CARD14: variants seen among roughly 807,000 people sequenced by gnomAD.
The protein encoded by CARD14 is caspase recruitment domain family member 14, also known as caspase recruitment domain-containing protein 14.
Under a neutral mutation model 111.5 loss-of-function variants are expected in CARD14, and 107 were observed. The observed-to-expected ratio is 0.96, with a 90% CI of 0.82 to 1.13. CARD14 has a LOEUF of 1.13. Ranked by LOEUF, CARD14 falls within the 50% of genes most tolerant of loss-of-function variation. The pLI is 0.00. For synonymous variants in CARD14, 617 were observed against 579.6 expected, an observed-to-expected ratio of 1.06 and a Z score of -0.93; for missense variants, 1,322 against 1,362.3, an observed-to-expected ratio of 0.97 and a Z score of 0.47.
chr17:80,182,576 C>G lies in CARD14; in HGVS notation c.212-77C>G. 1 of 1,563,288 alleles carries G rather than the reference C, an allele frequency of 6.4e-7. No individual in the cohort carries two copies. Among genetic ancestry groups the G allele is most frequent in the Non-Finnish European group, 8.7e-7 (1 of 1,147,340 alleles). On this transcript the variant is annotated intron_variant, in intron 5 of 23. Transcript: ENST00000648509. The surrounding 1 kb of genome is among the most constrained non-coding windows in gnomAD (Gnocchi z 4.7). ...GGTTTCCCAGCCCCAGGCCTCTCCC[C>G]CGTGGGGAAGCCAGCCAGGGAGCCC...
Position 80,184,191 on chromosome 17 carries a change from CAGG to C in CARD14, c.631_633del (p.Glu211del), listed in dbSNP as rs1158621140. Reference sequence around the variant, plus strand: ...CTCGCTGCACTATAGCAATGCGCTGCAGGAGAAGGAGCTGGCCGCCTCACGCTG... The same window carrying C: ...CTCGCTGCACTATAGCAATGCGCTGCAGAAGGAGCTGGCCGCCTCACGCTG... On this transcript the variant is annotated inframe_deletion, in exon 7 of 24. Transcript: ENST00000648509. 1.3e-6 allele frequency: 2 copies of C among 1,558,836 alleles called. No individual in the cohort carries two copies. The highest frequency in any genetic ancestry group is 1.2e-5 in the South Asian group (1 of 83,980).
Position 80,201,822 on chromosome 17 carries a change from A to G in CARD14, c.1930A>G (p.Arg644Gly), listed in dbSNP as rs752554508. 1 of 1,614,036 alleles carries G rather than the reference A, an allele frequency of 6.2e-7. No homozygotes were observed. The highest frequency in any genetic ancestry group is 8.5e-7 in the Non-Finnish European group (1 of 1,179,932). ...TTLEEAVGLL[R>G]RVDGFCCLSV... Reference sequence around the variant, plus strand: ...CCTGGAGGAGGCCGTGGGGCTTCTCAGGAGGGTGGACGGCTTCTGCTGCCT... The same window carrying G: ...CCTGGAGGAGGCCGTGGGGCTTCTCGGGAGGGTGGACGGCTTCTGCTGCCT... Residue 644 changes from arginine to glycine, a missense_variant, in exon 17 of 24, where the codon AGG becomes GGG. Arg to Gly is a moderately radical substitution (Grantham distance 125). Transcript: ENST00000648509. This position sits in a 1 kb window ranked among gnomAD's most constrained non-coding sequence, Gnocchi z 5.0.
In CARD14 at chr17:80,181,567, G is replaced by A. The variant is rs1241025302; in HGVS notation, c.129G>A (p.Leu43=). The stretch of plus-strand genomic sequence containing the variant: ...GCCCCAGCCGCCTCACCCCCTACCT[G>A]CGCCAGGCCAAGGTGCTGTGCCAGC... ...CICPSRLTPY[L]RQAKVLCQLD... The change falls in exon 5 of 24, where the codon CTG becomes CTA. Residue 43 remains leucine (L), a synonymous_variant. Coordinates refer to ENST00000648509, the MANE Select transcript of CARD14 (RefSeq NM_001366385.1). 4 of 1,566,880 alleles carry A rather than the reference G, an allele frequency of 2.6e-6. No individual in the cohort carries two copies. The highest frequency in any genetic ancestry group is 1.2e-5 in the South Asian group (1 of 85,076).
At chr17:80,185,007 C>T (rs2144197682) in intron 7 of CARD14, among the ~76,000 whole-genome samples, 1 of 152,258 alleles carries the variant, frequency 6.6e-6, no homozygotes, top group East Asian at 1.9e-4. Flanking sequence ...TGAGGATGTG[C>T]ACTCCTTGTC....
chr17:80,189,435 C>T lies in CARD14; in HGVS notation c.844-318C>T, dbSNP rs1250054868. Among the ~76,000 whole-genome samples, 1 of 152,236 alleles carries T rather than the reference C, an allele frequency of 6.6e-6. No individual in the cohort carries two copies. The highest frequency in any genetic ancestry group is 1.5e-5 in the Non-Finnish European group (1 of 68,052). Reference sequence around the variant, plus strand: ...GAAGTGAGTGTCAGAGGGGAATGACCTGTCTGCTGGTTTCTCCCTCGCTGT... The same window carrying T: ...GAAGTGAGTGTCAGAGGGGAATGACTTGTCTGCTGGTTTCTCCCTCGCTGT... On this transcript the variant is annotated intron_variant, in intron 8 of 23. Transcript: ENST00000648509. The surrounding 1 kb of genome is among the most constrained non-coding windows in gnomAD (Gnocchi z 4.7).
In CARD14 at chr17:80,203,882, CA is replaced by C. The variant is rs1489543427; in HGVS notation, c.2282del (p.Lys761SerfsTer81). 1 of 1,594,850 alleles carries C rather than the reference CA, an allele frequency of 6.3e-7. No individual in the cohort carries two copies. Among genetic ancestry groups the C allele is most frequent in the Non-Finnish European group, 8.5e-7 (1 of 1,171,466 alleles). On this transcript the variant is annotated frameshift_variant and splice_region_variant, in exon 19 of 24. Transcript: ENST00000648509. LOFTEE classifies it high-confidence loss of function. This position sits in a 1 kb window ranked among gnomAD's most constrained non-coding sequence, Gnocchi z 4.6. ...TGACTCAGCAGTGCACCGTGACCCG[CA>C]AGGTGAGGCTCCAGGGAGGGGCCTG... is the stretch of plus-strand genomic sequence containing the variant. ...DMTQQCTVTR[K>X]PSSGGPQKLV...
intron 9 of CARD14, among the ~76,000 whole-genome samples, chr17:80,190,479 G>A (rs969332262): frequency 6.6e-6 from 1 of 152,044 alleles, no homozygotes; most frequent in Non-Finnish European, 1.5e-5. Context: ...TGGGCCTGGT[G>A]GTGTGTGCCT....
Position 80,184,249 on chromosome 17 carries a change from AC to A in CARD14, c.675+14del. ...AGCCTGCAGGAGGAGGTAGGGGGAC[AC>A]CCTGCACCCCGGCGCGACCCTGCTG... On this transcript the variant is annotated intron_variant, in intron 7 of 23. Coordinates refer to ENST00000648509, the MANE Select transcript of CARD14 (RefSeq NM_001366385.1). The A allele has an allele frequency of 6.6e-7, 1 of 1,504,100 alleles. No individual in the cohort carries two copies. The highest frequency in any genetic ancestry group is 8.9e-7 in the Non-Finnish European group (1 of 1,121,142). The allele number at this position is 1,504,100 out of a possible 1,614,324, so 93.2% of individuals were successfully genotyped here.
chr17:80,203,551 C>T lies in CARD14; in HGVS notation c.2220-271C>T. 1 of 426,856 alleles carries T rather than the reference C, an allele frequency of 2.3e-6. No individual in the cohort carries two copies. Among genetic ancestry groups the T allele is most frequent in the African/African-American group, 2.0e-5 (1 of 48,858 alleles). 26.4% of individuals were successfully genotyped at this position (426,856 alleles called of 1,614,324 possible). On this transcript the variant is annotated intron_variant, in intron 18 of 23. Transcript: ENST00000648509. This position sits in a 1 kb window ranked among gnomAD's most constrained non-coding sequence, Gnocchi z 4.6. ...GGAGTGGGGCCCTGTACGCTGGCTG[C>T]TCAACAGCACCCCCTGGGTCCCGCC... is the stretch of plus-strand genomic sequence containing the variant.
At position 80,201,842 on chromosome 17, in the gene CARD14, C is replaced by G. The variant is rs756702830; in HGVS notation, c.1950C>G (p.Cys650Trp). The change falls in exon 17 of 24, where the codon TGC (cysteine) becomes TGG (tryptophan). Residue 650 changes from cysteine to tryptophan, a missense_variant. By Grantham distance (215) the Cys-to-Trp change is radical (BLOSUM62 -2). Coordinates refer to ENST00000648509, the MANE Select transcript of CARD14 (RefSeq NM_001366385.1). This position sits in a 1 kb window ranked among gnomAD's most constrained non-coding sequence, Gnocchi z 5.0. ...VGLLRRVDGF[C>W]CLSVKVNTDG... ...TTCTCAGGAGGGTGGACGGCTTCTG[C>G]TGCCTGTCTGTGAAGGTCAACACGG... 9 of 1,613,778 alleles carry G rather than the reference C, an allele frequency of 5.6e-6. No individual in the cohort carries two copies. The highest frequency in any genetic ancestry group is 7.6e-6 in the Non-Finnish European group (9 of 1,179,888).
Position 80,184,097 on chromosome 17 carries a change from C to T in CARD14, c.534C>T (p.Ser178=), listed in dbSNP as rs1415491907. The part of the protein sequence containing the change: ...EGLHQLEADH[S]RMKREVSAHF... ...TGCACCAGCTGGAGGCTGACCACAGCCGCATGAAGCGTGAGGTTAGCGCAC... is the reference window on the plus strand; with the variant it reads ...TGCACCAGCTGGAGGCTGACCACAGTCGCATGAAGCGTGAGGTTAGCGCAC... The change falls in exon 7 of 24, where the codon AGC becomes AGT. Residue 178 remains serine (S), a synonymous_variant. Transcript: ENST00000648509. 2 of 1,581,368 alleles carry T rather than the reference C, an allele frequency of 1.3e-6. No individual in the cohort carries two copies. The highest frequency in any genetic ancestry group is 1.8e-5 in the Admixed American group (1 of 54,440).
At position 80,207,890 on chromosome 17, in the gene CARD14, C is replaced by T. The variant is rs575931842; in HGVS notation, c.2808-248C>T. Among the ~76,000 whole-genome samples, 12 of 152,042 alleles carry T rather than the reference C, an allele frequency of 7.9e-5. No homozygotes were observed. In the East Asian group the frequency reaches 2.3e-3, roughly 29 times the overall value. ...AAAAAAAAAAAAAGTAAAAAAATTA[C>T]TTGGTTTCCTGGGGACAGACCAAGA... On this transcript the variant is annotated intron_variant, in intron 23 of 23. Coordinates refer to ENST00000648509, the MANE Select transcript of CARD14 (RefSeq NM_001366385.1).
chr17:80,204,794 T>G, intron 20 of CARD14: 2 of 492,566 alleles, frequency 4.1e-6, no homozygotes, highest in South Asian at 7.6e-5. Flanking sequence ...AGGATTAAGT[T>G]GCAGGCTGCA....
intron 1 of CARD14, among the ~76,000 whole-genome samples, chr17:80,170,686 T>C (rs748427062): frequency 1.3e-5 from 2 of 152,036 alleles, no homozygotes; most frequent in Non-Finnish European, 2.9e-5. Flanking sequence ...TCTTAGATGC[T>C]CAGGATTTTA....
chr17:80,200,175 T>C (rs898377929), intron 16 of CARD14, among the ~76,000 whole-genome samples: 2 of 151,558 alleles, frequency 1.3e-5, no homozygotes, highest in Non-Finnish European at 2.9e-5. Context: ...GAGCACCTAA[T>C]TCAAGCGTCC....
chr17:80,203,800 G>T lies in CARD14; in HGVS notation c.2220-22G>T. On this transcript the variant is annotated intron_variant, in intron 18 of 23. Coordinates refer to ENST00000648509, the MANE Select transcript of CARD14 (RefSeq NM_001366385.1). The surrounding 1 kb of genome is among the most constrained non-coding windows in gnomAD (Gnocchi z 4.6). ...CACCTGGCAGGAGGCAGCTGGGTCAGGGCCTCTGCTGGTCTCTGCAGGGCT... is the reference window on the plus strand; with the variant it reads ...CACCTGGCAGGAGGCAGCTGGGTCATGGCCTCTGCTGGTCTCTGCAGGGCT... 1 of 1,555,170 alleles carries T rather than the reference G, an allele frequency of 6.4e-7. No homozygotes were observed. The highest frequency in any genetic ancestry group is 8.7e-7 in the Non-Finnish European group (1 of 1,148,572).
Position 80,182,947 on chromosome 17 carries a change from C to T in CARD14, c.349+157C>T, listed in dbSNP as rs1455314909. Reference sequence around the variant, plus strand: ...CCCCAGCACTCTGAGGGTGAGGAACCCCCTCACTGTATTGGGGTTGGATAG... The same window carrying T: ...CCCCAGCACTCTGAGGGTGAGGAACTCCCTCACTGTATTGGGGTTGGATAG... On this transcript the variant is annotated intron_variant, in intron 6 of 23. Coordinates refer to ENST00000648509, the MANE Select transcript of CARD14 (RefSeq NM_001366385.1). The surrounding 1 kb of genome is among the most constrained non-coding windows in gnomAD (Gnocchi z 4.7). Among the ~76,000 whole-genome samples, 1 of 152,146 alleles carries T rather than the reference C, an allele frequency of 6.6e-6. No individual in the cohort carries two copies. The highest frequency in any genetic ancestry group is 2.4e-5 in the African/African-American group (1 of 41,426).
chr17:80,190,730 C>T, intron 9 of CARD14, 44 bp from the exon 10 acceptor site: 1 of 1,609,518 alleles, frequency 6.2e-7, no homozygotes. Context: ...GCCAGACCCT[C>T]AGAGCTGCTG....
chr17:80,194,537 G>A (rs1464744039), intron 12 of CARD14, among the ~76,000 whole-genome samples: 3 of 152,116 alleles, frequency 2.0e-5, no homozygotes, highest in African/African-American at 4.8e-5. Context: ...GCATTAGTTC[G>A]TTCTCATGCT....
Sources: allele counts gnomAD v4.1 joint callset (sites outside exome capture counted in the v4.1 genomes callset), GRCh38; gene constraint gnomAD v4.1.1; non-coding constraint Gnocchi (gnomAD v3.1); transcripts MANE v1.5; gene names NCBI Gene and HGNC (gene_info 2026-07-23, HGNC 2026-07-21).